The following PLEKHG1 variants were observed in gnomAD, a reference collection of about 807,000 sequenced individuals.
PLEKHG1 encodes the protein pleckstrin homology and RhoGEF domain containing G1.
A neutral mutation model predicts 100.8 loss-of-function variants in PLEKHG1; 44 were observed. The ratio of observed to expected loss-of-function variants is 0.44; its 90% confidence interval spans 0.34 to 0.56. The LOEUF (loss-of-function observed/expected upper bound fraction) is 0.56, where lower values mean the gene tolerates loss of function less well. Among genes scored for constraint, PLEKHG1 ranks in the 20% least tolerant of loss-of-function variants. PLEKHG1 has a pLI of 0.01. For missense variants in PLEKHG1, 1,545 were observed against 1,720.9 expected (o/e 0.90, Z 1.81); for synonymous variants, 640 against 662.5 (o/e 0.97, Z 0.52).
At chr6:150,678,215 G>A (rs1007449096) in intron 3 of PLEKHG1, among the ~76,000 whole-genome samples, 1 of 151,438 alleles carries the variant, frequency 6.6e-6, no homozygotes, top group African/African-American at 2.4e-5. Context: ...TCACCATGCT[G>A]TGTAATGGAT....
intron 7 of PLEKHG1, among the ~76,000 whole-genome samples, chr6:150,806,829 C>CAAAAA (rs3072754): frequency 1.7e-4 from 15 of 90,166 alleles, no homozygotes; most frequent in East Asian, 3.4e-4. Context: ...GACTCCATCT[C>CAAAAA]AAAAAAAAAA....
intron 1 of PLEKHG1, among the ~76,000 whole-genome samples, chr6:150,634,406 A>AGTT (rs1476843708): frequency 4.6e-5 from 7 of 152,178 alleles, no homozygotes; most frequent in African/African-American, 1.7e-4. Context: ...TTAAAGCAGT[A>AGTT]GTTGGGGAGA....
chr6:150,788,481 G>T (rs1373941091), intron 4 of PLEKHG1, among the ~76,000 whole-genome samples: 2 of 152,182 alleles, frequency 1.3e-5, no homozygotes, highest in Admixed American at 1.3e-4. Flanking sequence ...GTATGTGTAG[G>T]TTACAGAAGT....
chr6:150,668,506 A>G (rs1419311205), intron 3 of PLEKHG1, among the ~76,000 whole-genome samples: 2 of 152,172 alleles, frequency 1.3e-5, no homozygotes, highest in Non-Finnish European at 2.9e-5. Flanking sequence ...AGTGTCTATT[A>G]TTGGGTAGTC....
chr6:150,745,007 G>T (rs1783077391), intron 2 of PLEKHG1, among the ~76,000 whole-genome samples: 1 of 152,202 alleles, frequency 6.6e-6, no homozygotes, highest in African/African-American at 2.4e-5. Flanking sequence ...GAGTTTCAAA[G>T]TACCTATGAT....
At chr6:150,812,757 C>T (rs1189091296) in intron 10 of PLEKHG1, among the ~76,000 whole-genome samples, 1 of 151,994 alleles carries the variant, frequency 6.6e-6, no homozygotes, top group African/African-American at 2.4e-5. Flanking sequence ...GAGACAGTGG[C>T]TCACTTCTTG....
At chr6:150,611,891 G>T (rs1776847293) in intron 1 of PLEKHG1, among the ~76,000 whole-genome samples, 3 of 152,050 alleles carry the variant, frequency 2.0e-5, no homozygotes, top group African/African-American at 7.2e-5. Context: ...AAATAGTGAG[G>T]CTCTATTGTG....
chr6:150,706,500 A>T (rs75127669), intron 3 of PLEKHG1, among the ~76,000 whole-genome samples: 1 of 149,452 alleles, frequency 6.7e-6, no homozygotes, highest in East Asian at 2.0e-4. Context: ...TGTGGTCCCA[A>T]CTACCCAGAA....
At chr6:150,599,890 T>C (rs916643653) in exon 1 of PLEKHG1, 53 of 181,656 alleles carry the variant, frequency 2.9e-4, no homozygotes, top group African/African-American at 8.2e-4. Context: ...AGCCCGAGCC[T>C]GAGCCCGAGC....
At chr6:150,823,124 G>A (rs1338306802) in intron 13 of PLEKHG1, among the ~76,000 whole-genome samples, 1 of 152,138 alleles carries the variant, frequency 6.6e-6, no homozygotes, top group Non-Finnish European at 1.5e-5. Context: ...ATATGCTTCC[G>A]TAATCATCTT....
chr6:150,813,853 T>G (rs923265222), intron 10 of PLEKHG1, among the ~76,000 whole-genome samples: 3 of 152,084 alleles, frequency 2.0e-5, no homozygotes, highest in Non-Finnish European at 4.4e-5. Flanking sequence ...GGGTGGATTA[T>G]TCACATGGAT....
intron 1 of PLEKHG1, among the ~76,000 whole-genome samples, chr6:150,725,439 C>G (rs1464775764): frequency 6.6e-6 from 1 of 152,202 alleles, no homozygotes; most frequent in Non-Finnish European, 1.5e-5. Context: ...TTGAAGGAAT[C>G]TTTGTTCCTC....
At chr6:150,660,102 G>A (rs1456708650) in intron 3 of PLEKHG1, among the ~76,000 whole-genome samples, 1 of 150,522 alleles carries the variant, frequency 6.6e-6, no homozygotes, top group Non-Finnish European at 1.5e-5. Context: ...TAGAGACAGG[G>A]TTTCACCATA....
At chr6:150,735,186 A>G (rs968638077) in intron 2 of PLEKHG1, among the ~76,000 whole-genome samples, 5 of 152,002 alleles carry the variant, frequency 3.3e-5, no homozygotes, top group African/African-American at 1.2e-4. Context: ...GGGTTTCACC[A>G]TGTTGGTCAG....
At chr6:150,636,295 A>G (rs1436158083) in intron 1 of PLEKHG1, among the ~76,000 whole-genome samples, 1 of 151,190 alleles carries the variant, frequency 6.6e-6, no homozygotes, top group Non-Finnish European at 1.5e-5. Context: ...CTTTTTTTAA[A>G]AAAAAAAGCT....
chr6:150,752,786 C>T (rs1783594031), intron 2 of PLEKHG1, among the ~76,000 whole-genome samples: 2 of 152,086 alleles, frequency 1.3e-5, no homozygotes, highest in Admixed American at 6.6e-5. Context: ...TGCCAGCCTC[C>T]GTCCAACCCA....
At chr6:150,798,572 T>C (rs1024189085) in intron 5 of PLEKHG1, among the ~76,000 whole-genome samples, 4 of 152,158 alleles carry the variant, frequency 2.6e-5, no homozygotes, top group African/African-American at 9.7e-5. Context: ...TGGCAGGAAA[T>C]AGCAAACAAT....
Position 150,819,783 on chromosome 6 carries a change from G to A in PLEKHG1, c.1408+9G>A. The A allele has an allele frequency of 2.0e-6, 3 of 1,500,332 alleles. No individual in the cohort carries two copies. Among genetic ancestry groups the A allele is most frequent in the South Asian group, 2.3e-5 (2 of 88,804 alleles). The allele number at this position is 1,500,332 out of a possible 1,614,324, so 92.9% of individuals were successfully genotyped here. On this transcript the variant is annotated intron_variant, in intron 12 of 15. Coordinates refer to ENST00000358517, the Ensembl canonical transcript of PLEKHG1. Reference sequence around the variant, plus strand: ...GCTGAGAAGAAAATCTGGTAAGTAAGATGTTGTCATAAAAATTTAATTCTA... The same window carrying A: ...GCTGAGAAGAAAATCTGGTAAGTAAAATGTTGTCATAAAAATTTAATTCTA...
chr6:150,783,697 T>G (rs1250146973), intron 3 of PLEKHG1, among the ~76,000 whole-genome samples: 2 of 152,204 alleles, frequency 1.3e-5, no homozygotes, highest in Non-Finnish European at 2.9e-5. Context: ...AGTGTTTTGG[T>G]CCAGGATCTC....
Sources: allele counts gnomAD v4.1 joint callset (sites outside exome capture counted in the v4.1 genomes callset), GRCh38; gene constraint gnomAD v4.1.1; transcripts MANE v1.5; gene names NCBI Gene and HGNC (gene_info 2026-07-23, HGNC 2026-07-21).